Variants in LYPD5 observed in about 807,000 individuals in gnomAD.
The protein encoded by LYPD5 is ly6/PLAUR domain-containing protein 5.
Under a neutral mutation model 19.1 loss-of-function variants are expected in LYPD5, and 21 were observed. The observed-to-expected ratio is 1.10, with a 90% CI of 0.78 to 1.58. LYPD5 has a LOEUF of 1.58. Ranked by LOEUF, LYPD5 falls within the 40% of genes most tolerant of loss-of-function variation. The pLI is 0.00. For synonymous variants in LYPD5, 128 were observed against 142.7 expected (o/e 0.90, Z 0.74); for missense variants, 287 against 329.8 (o/e 0.87, Z 1.00).
At chr19:43,820,323 T>C (rs1172507670) in intron 1 of LYPD5, among the ~76,000 whole-genome samples, 1 of 152,090 alleles carries the variant, frequency 6.6e-6, no homozygotes, top group East Asian at 1.9e-4. Context: ...AACGTCACCA[T>C]TCGCACGGTA....
intron 1 of LYPD5, among the ~76,000 whole-genome samples, chr19:43,813,321 T>TCG (rs201631539): frequency 0.013 from 1,947 of 152,258 alleles, 38 homozygotes; most frequent in African/African-American, 0.044. Flanking sequence ...CGTCTCTCTC[T>TCG]CGCTCTCTCT....
intron 1 of LYPD5, among the ~76,000 whole-genome samples, chr19:43,801,667 C>CTAAG (rs1343430200): frequency 2.0e-5 from 3 of 152,178 alleles, no homozygotes; most frequent in African/African-American, 7.2e-5. Flanking sequence ...TTTGTTCAGA[C>CTAAG]TAAGACTTTA....
At chr19:43,808,200 G>A (rs1599696735) in intron 1 of LYPD5, among the ~76,000 whole-genome samples, 1 of 152,106 alleles carries the variant, frequency 6.6e-6, no homozygotes, top group East Asian at 1.9e-4. Flanking sequence ...CTGCCTCCCA[G>A]GTTCAAGTGA....
At chr19:43,811,483 CA>C in intron 1 of LYPD5, among the ~76,000 whole-genome samples, 1 of 152,254 alleles carries the variant, frequency 6.6e-6, no homozygotes, top group Admixed American at 6.5e-5. Context: ...GTCAGGAGTT[CA>C]AGACCAGACT....
chr19:43,814,342 C>G (rs1970353194), intron 1 of LYPD5, among the ~76,000 whole-genome samples: 1 of 152,126 alleles, frequency 6.6e-6, no homozygotes, highest in South Asian at 2.1e-4. Context: ...ACATTCAAAA[C>G]AAATTAGCAG....
chr19:43,806,244 G>A (rs760231984), upstream of LYPD5, among the ~76,000 whole-genome samples: 1 of 152,158 alleles, frequency 6.6e-6, no homozygotes, highest in Non-Finnish European at 1.5e-5. Context: ...TCATAGCAGC[G>A]TGAATCCTAT....
chr19:43,808,057 T>C (rs1432231302), intron 1 of LYPD5, among the ~76,000 whole-genome samples: 1 of 152,258 alleles, frequency 6.6e-6, no homozygotes, highest in Non-Finnish European at 1.5e-5. Context: ...TATTCCTCAG[T>C]TGAAAAAATT....
chr19:43,797,691 G>A lies in LYPD5; in HGVS notation c.656C>T (p.Thr219Ile), dbSNP rs373776725. 1.3e-5 allele frequency: 21 copies of A among 1,613,732 alleles called. No homozygotes were observed. The highest frequency in any genetic ancestry group is 1.7e-5 in the Non-Finnish European group (20 of 1,179,910). Residue 219 changes from threonine (T) to isoleucine (I), a missense_variant, in exon 5 of 5, where the codon ACC becomes ATC. By Grantham distance (89) the Thr-to-Ile change is moderately conservative. Transcript: ENST00000377950. ...GGCTGAAGCACTGGTGAAGGGCTGG[G>A]TCATGGATTTCCTGTTGCAGAGGTA... ...EGYLCNRKSM[T>I]QPFTSASATT...
At chr19:43,802,162 GC>G (rs1457724391) in intron 1 of LYPD5, among the ~76,000 whole-genome samples, 154 bp downstream of exon 1, 2 of 147,564 alleles carry the variant, frequency 1.4e-5, no homozygotes, top group Non-Finnish European at 3.0e-5. Context: ...AGGAGTTCAG[GC>G]CCCCAGCCCC....
At chr19:43,809,441 C>T (rs1023587798) in intron 1 of LYPD5, among the ~76,000 whole-genome samples, 8 of 151,938 alleles carry the variant, frequency 5.3e-5, no homozygotes, top group African/African-American at 1.9e-4. Flanking sequence ...AGTGCAATGG[C>T]GAAATCTTGG....
At chr19:43,806,490 C>T (rs140602802), upstream of LYPD5, among the ~76,000 whole-genome samples, 3 of 152,030 alleles carry the variant, frequency 2.0e-5, no homozygotes, top group East Asian at 5.8e-4. Context: ...TGGTGAAACC[C>T]CATCTCTACT....
rs1256476770 is a variant in LYPD5 at position 43,799,703 on chromosome 19, T to C, written c.193+3A>G. 3.1e-6 allele frequency: 5 copies of C among 1,612,386 alleles called. No homozygotes were observed. In the Admixed American group the frequency reaches 8.4e-5, roughly 27 times the overall value. ...TCCCTGTCCCCCGGCTCCCGCTCCTTACCGGTGTCCAGAGACAGGATAGCC... is the reference window on the plus strand; with the variant it reads ...TCCCTGTCCCCCGGCTCCCGCTCCTCACCGGTGTCCAGAGACAGGATAGCC... On this transcript the variant is annotated splice_donor_region_variant and intron_variant, in intron 2 of 4. Coordinates refer to ENST00000377950, the MANE Select transcript of LYPD5 (RefSeq NM_001031749.3).
chr19:43,814,494 A>AAAAT (rs1568407073), intron 1 of LYPD5, among the ~76,000 whole-genome samples: 1 of 151,786 alleles, frequency 6.6e-6, no homozygotes, highest in Admixed American at 6.6e-5. Context: ...ACCTGTCTCT[A>AAAAT]AAACAAACAA....
At chr19:43,808,409 C>T (rs1970289329) in intron 1 of LYPD5, among the ~76,000 whole-genome samples, 1 of 152,186 alleles carries the variant, frequency 6.6e-6, no homozygotes. Flanking sequence ...CCCAGCCTAA[C>T]TGCTCTTATT....
intron 1 of LYPD5, among the ~76,000 whole-genome samples, chr19:43,816,070 CTATCTAT>C (rs1314433501): frequency 1.6e-4 from 25 of 152,004 alleles, no homozygotes; most frequent in African/African-American, 5.1e-4. Context: ...ATCTATCTAT[CTATCTAT>C]CTACCTATCA....
intron 1 of LYPD5, among the ~76,000 whole-genome samples, chr19:43,800,806 C>T (rs945755390): frequency 6.6e-6 from 1 of 151,534 alleles, no homozygotes; most frequent in Non-Finnish European, 1.5e-5. Flanking sequence ...ACTAAAAATA[C>T]AAAAATTAGC....
At chr19:43,803,758 G>A (rs1970248193), upstream of LYPD5, among the ~76,000 whole-genome samples, 1 of 152,086 alleles carries the variant, frequency 6.6e-6, no homozygotes, top group Non-Finnish European at 1.5e-5. Context: ...ATGCGTGGAG[G>A]TAGAACCTGT....
At chr19:43,798,629 A>T in intron 3 of LYPD5, 28 bp from the exon 4 acceptor site, 1 of 1,609,408 alleles carries the variant, frequency 6.2e-7, no homozygotes, top group African/African-American at 1.3e-5. Context: ...ATGCACACTC[A>T]GGCAGTGGTA....
upstream of LYPD5, among the ~76,000 whole-genome samples, chr19:43,803,080 A>AGT (rs1233844567): frequency 2.6e-5 from 4 of 152,168 alleles, no homozygotes; most frequent in Non-Finnish European, 5.9e-5. Flanking sequence ...AGAGAGAGAG[A>AGT]GTGTGCCTTC....
Sources: gnomAD v4.1 joint callset for allele counts (sites outside exome capture counted in the v4.1 genomes callset) on GRCh38, gnomAD v4.1.1 for gene constraint, MANE v1.5 for transcripts, NCBI Gene and HGNC (gene_info 2026-07-23, HGNC 2026-07-21) for gene names.